PDZRN4: variants seen among roughly 807,000 people sequenced by gnomAD.
PDZRN4 encodes the protein PDZ domain containing ring finger 4.
PDZRN4 carries 70 observed loss-of-function variants against 99.0 expected under a neutral mutation model. The observed-to-expected ratio is 0.71, with a 90% CI of 0.58 to 0.86. The LOEUF (loss-of-function observed/expected upper bound fraction) is 0.86. Among genes scored for constraint, PDZRN4 ranks in the 40% least tolerant of loss-of-function variants. The probability of loss-of-function intolerance (pLI) is 0.00; values close to 1 mark genes in which losing one functional copy is unlikely to be tolerated. For missense variants in PDZRN4, 1,474 were observed against 1,331.2 expected, an observed-to-expected ratio of 1.11 and a Z score of -1.67; for synonymous variants, 551 against 501.6, an observed-to-expected ratio of 1.10 and a Z score of -1.32.
Position 41,220,467 on chromosome 12 carries a change from A to T in PDZRN4, c.843+26279A>T, listed in dbSNP as rs1272700480. On this transcript the variant is annotated intron_variant, in intron 3 of 9. Coordinates refer to ENST00000402685, the MANE Select transcript of PDZRN4 (RefSeq NM_001164595.2). ...CTGAGGATTAAGGGTTTCAACATAC[A>T]AATTTGGCCAGGAAAGGGGATGTAA... is the stretch of plus-strand genomic sequence containing the variant. Among the ~76,000 whole-genome samples the T allele has an allele frequency of 2.6e-5, 4 of 152,148 alleles. No individual in the cohort carries two copies. The East Asian group carries it at 7.7e-4, about 29-fold the overall frequency.
At chr12:41,496,544 C>T (rs1394278903) in intron 3 of PDZRN4, among the ~76,000 whole-genome samples, 1 of 152,046 alleles carries the variant, frequency 6.6e-6, no homozygotes, top group Non-Finnish European at 1.5e-5. Flanking sequence ...CTCTTTTCTG[C>T]TACAACAATG....
chr12:41,388,963 C>T (rs1218247271), intron 3 of PDZRN4, among the ~76,000 whole-genome samples: 1 of 152,074 alleles, frequency 6.6e-6, no homozygotes, highest in Non-Finnish European at 1.5e-5. Context: ...AAGCAAATAT[C>T]AATGACTAAC....
chr12:41,404,536 C>T (rs1289941468), intron 3 of PDZRN4, among the ~76,000 whole-genome samples: 1 of 152,034 alleles, frequency 6.6e-6, no homozygotes, highest in African/African-American at 2.4e-5. Context: ...AAACATTCCA[C>T]ACTCTTGGAT....
chr12:41,218,764 T>A (rs1206132688), intron 3 of PDZRN4, among the ~76,000 whole-genome samples: 1 of 152,154 alleles, frequency 6.6e-6, no homozygotes, highest in East Asian at 1.9e-4. Context: ...CCATTGCTCC[T>A]TGCACATTTT....
intron 3 of PDZRN4, among the ~76,000 whole-genome samples, chr12:41,467,090 G>T (rs997993692): frequency 4.6e-5 from 7 of 152,218 alleles, no homozygotes; most frequent in African/African-American, 1.7e-4. Flanking sequence ...GCAGTCATTT[G>T]CATTACAGCG....
At chr12:41,463,953 G>A (rs916952634) in intron 3 of PDZRN4, among the ~76,000 whole-genome samples, 5 of 152,096 alleles carry the variant, frequency 3.3e-5, no homozygotes, top group Admixed American at 6.6e-5. Context: ...GATTCTGGGA[G>A]CCAGCTTACC....
At chr12:41,530,827 C>T (rs1938647580) in intron 5 of PDZRN4, among the ~76,000 whole-genome samples, 1 of 152,052 alleles carries the variant, frequency 6.6e-6, no homozygotes, top group Non-Finnish European at 1.5e-5. Context: ...CTGGTGATAT[C>T]GAATGACGTT....
In PDZRN4 at chr12:41,500,817, G is replaced by C. The variant is rs186119111; in HGVS notation, c.844-5639G>C. ...TATGACAAGTGTTTTGATGAATATAGGGTTCAGATTATCTGAAATTCCTTC... is the reference window on the plus strand; with the variant it reads ...TATGACAAGTGTTTTGATGAATATACGGTTCAGATTATCTGAAATTCCTTC... On this transcript the variant is annotated intron_variant, in intron 3 of 9. Coordinates refer to ENST00000402685, the MANE Select transcript of PDZRN4 (RefSeq NM_001164595.2). Among the ~76,000 whole-genome samples, 16 of 152,196 alleles carry C rather than the reference G, an allele frequency of 1.1e-4. No individual in the cohort carries two copies. In the East Asian group the frequency reaches 2.9e-3, roughly 28 times the overall value.
intron 3 of PDZRN4, among the ~76,000 whole-genome samples, chr12:41,266,624 G>A (rs1951278993): frequency 6.6e-6 from 1 of 152,150 alleles, no homozygotes; most frequent in South Asian, 2.1e-4. Flanking sequence ...GACCAATTCT[G>A]GCAAGAATGG....
At chr12:41,516,904 A>G (rs559970138) in intron 5 of PDZRN4, among the ~76,000 whole-genome samples, 2 of 152,080 alleles carry the variant, frequency 1.3e-5, no homozygotes, top group East Asian at 3.9e-4. Context: ...TCCAAGCAGA[A>G]TTTCTTAAAT....
chr12:41,215,521 A>G (rs1454673705), intron 3 of PDZRN4, among the ~76,000 whole-genome samples: 2 of 152,004 alleles, frequency 1.3e-5, no homozygotes, highest in African/African-American at 4.8e-5. Flanking sequence ...AAAAGTATAC[A>G]ATTTTATTTT....
chr12:41,454,515 T>G (rs1403217345), intron 3 of PDZRN4, among the ~76,000 whole-genome samples: 1 of 152,270 alleles, frequency 6.6e-6, no homozygotes, highest in Admixed American at 6.5e-5. Context: ...TGGTCTGTAT[T>G]CCCTTGCGGG....
intron 3 of PDZRN4, among the ~76,000 whole-genome samples, chr12:41,350,077 C>G (rs1951880020): frequency 6.6e-6 from 1 of 152,012 alleles, no homozygotes; most frequent in African/African-American, 2.4e-5. Flanking sequence ...GTAAGTGAGT[C>G]TTCCATCAGT....
chr12:41,322,487 CTTTT>C (rs71081724), intron 3 of PDZRN4, among the ~76,000 whole-genome samples: 204 of 91,218 alleles, frequency 2.2e-3, no homozygotes, highest in African/African-American at 8.8e-3. Context: ...ATTTTCTTTC[CTTTT>C]TTTTTTTTTT....
chr12:41,263,446 G>T (rs1951256474), intron 3 of PDZRN4, among the ~76,000 whole-genome samples: 1 of 152,074 alleles, frequency 6.6e-6, no homozygotes, highest in African/African-American at 2.4e-5. Context: ...CAGCACTTTG[G>T]GTGGCCAAGG....
At chr12:41,392,219 G>C (rs1401244632) in intron 3 of PDZRN4, among the ~76,000 whole-genome samples, 1 of 151,904 alleles carries the variant, frequency 6.6e-6, no homozygotes, top group African/African-American at 2.4e-5. Flanking sequence ...GCTTCCACTG[G>C]TGTTCCTCTA....
chr12:41,514,513 A>T (rs1214247996), intron 5 of PDZRN4, among the ~76,000 whole-genome samples: 1 of 152,090 alleles, frequency 6.6e-6, no homozygotes, highest in East Asian at 1.9e-4. Flanking sequence ...TGAAAAAAAA[A>T]CAAGTCCCTA....
chr12:41,244,152 A>G (rs1356667403), intron 3 of PDZRN4, among the ~76,000 whole-genome samples: 2 of 151,810 alleles, frequency 1.3e-5, no homozygotes, highest in African/African-American at 4.8e-5. Context: ...TGCCCCCAAA[A>G]TACTCCCCCA....
intron 3 of PDZRN4, among the ~76,000 whole-genome samples, chr12:41,317,639 T>A (rs1951647480): frequency 6.6e-6 from 1 of 152,116 alleles, no homozygotes; most frequent in Non-Finnish European, 1.5e-5. Flanking sequence ...TAACTCAAAT[T>A]TTGCTCATAA....
Sources: gnomAD v4.1 joint callset for allele counts (sites outside exome capture counted in the v4.1 genomes callset) on GRCh38, gnomAD v4.1.1 for gene constraint, MANE v1.5 for transcripts, NCBI Gene and HGNC (gene_info 2026-07-23, HGNC 2026-07-21) for gene names.